The following OGDH variants were observed in gnomAD, a reference collection of about 807,000 sequenced individuals.
OGDH encodes oxoglutarate dehydrogenase, also known as 2-oxoglutarate dehydrogenase complex component E1.
OGDH carries 38 observed loss-of-function variants against 116.6 expected under a neutral mutation model. The ratio of observed to expected loss-of-function variants is 0.33; its 90% CI spans 0.25 to 0.43. The LOEUF (loss-of-function observed/expected upper bound fraction) is 0.43. Among genes scored for constraint, OGDH ranks in the 20% least tolerant of loss-of-function variants. The probability of loss-of-function intolerance (pLI) is 1.00; values close to 1 mark genes in which losing one functional copy is unlikely to be tolerated. For synonymous variants in OGDH, 488 were observed against 533.3 expected (o/e 0.92, Z 1.17); for missense variants, 825 against 1,357.2 (o/e 0.61, Z 6.16).
chr7:44,701,489 C>T (rs1173015293), intron 19 of OGDH, 54 bp from the exon 20 acceptor site: 1 of 1,538,532 alleles, frequency 6.5e-7, no homozygotes, highest in African/African-American at 1.4e-5. Context: ...TTTGACCTTC[C>T]TTCTGGAATC....
chr7:44,694,140 C>A lies in OGDH; in HGVS notation c.1515+136C>A. 9.8e-7 allele frequency: 1 copy of A among 1,021,206 alleles called. No homozygotes were observed. The allele number at this position is 1,021,206 out of a possible 1,614,324, so 63.3% of individuals were successfully genotyped here. Reference sequence around the variant, plus strand: ...GGGCTCTCTACTGCCAGGCCTCATGCTGGTTCCTTTGAGCTCCAAATAGTT... The same window carrying A: ...GGGCTCTCTACTGCCAGGCCTCATGATGGTTCCTTTGAGCTCCAAATAGTT... On this transcript the variant is annotated intron_variant, in intron 11 of 22. Transcript: ENST00000222673. This position sits in a 1 kb window ranked among gnomAD's most constrained non-coding sequence, Gnocchi z 4.2.
At chr7:44,680,629 A>G (rs528610965) in intron 9 of OGDH, among the ~76,000 whole-genome samples, 14 of 152,236 alleles carry the variant, frequency 9.2e-5, no homozygotes, top group African/African-American at 3.1e-4. Flanking sequence ...TTTTAGATGT[A>G]TGCGGAATGG....
At position 44,697,024 on chromosome 7, in the gene OGDH, A is replaced by G; in HGVS notation, c.2011A>G (p.Ile671Val). 1 of 1,614,216 alleles carries G rather than the reference A, an allele frequency of 6.2e-7. No homozygotes were observed. The highest frequency in any genetic ancestry group is 8.5e-7 in the Non-Finnish European group (1 of 1,180,022). Residue 671 changes from isoleucine (I) to valine (V), a missense_variant, in exon 15 of 23, where the codon ATT becomes GTT. By Grantham distance (29) the Ile-to-Val change is conservative. Coordinates refer to ENST00000222673, the MANE Select transcript of OGDH (RefSeq NM_002541.4). This position sits in a 1 kb window ranked among gnomAD's most constrained non-coding sequence, Gnocchi z 6.0. ...FGSLLKEGIHIRLSGQDVERG... is the reference protein window; with the variant it reads ...FGSLLKEGIHVRLSGQDVERG... ...CTCGCTCCTGAAGGAGGGCATCCACATTCGGCTGAGCGGCCAGGACGTGGA... is the reference window on the plus strand; with the variant it reads ...CTCGCTCCTGAAGGAGGGCATCCACGTTCGGCTGAGCGGCCAGGACGTGGA...
intron 9 of OGDH, 72 bp downstream of exon 9, chr7:44,676,221 A>C: frequency 6.2e-7 from 1 of 1,613,264 alleles, no homozygotes; most frequent in Non-Finnish European, 8.5e-7. Flanking sequence ...TCCGCTCACC[A>C]ACATAACCCA....
Position 44,673,859 on chromosome 7 carries a change from C to G in OGDH, c.706C>G (p.Gln236Glu). 1 of 1,614,216 alleles carries G rather than the reference C, an allele frequency of 6.2e-7. No individual in the cohort carries two copies. Among genetic ancestry groups the G allele is most frequent in the Non-Finnish European group, 8.5e-7 (1 of 1,180,028 alleles). The part of the protein sequence containing the change: ...NDLEQCQWIR[Q>E]KFETPGIMQF... ...CCTGGAGCAGTGCCAGTGGATCCGG[C>G]AGAAGTTTGAGACCCCTGGGATCAT... The change falls in exon 6 of 23, where the codon CAG becomes GAG. Residue 236 changes from glutamine to glutamate, a missense_variant. Around this residue, in one of 7 missense-constraint regions of OGDH, gnomAD observed 171 missense variants for 276.8 expected, o/e 0.62. Transcript: ENST00000222673.
At chr7:44,667,914 AC>A (rs1218172904) in intron 5 of OGDH, among the ~76,000 whole-genome samples, 1 of 151,848 alleles carries the variant, frequency 6.6e-6, no homozygotes, top group African/African-American at 2.4e-5. Context: ...TCCCTAACTA[AC>A]CCAGGTTGAA....
chr7:44,700,323 G>T, intron 19 of OGDH, 54 bp downstream of exon 19: 1 of 1,599,906 alleles, frequency 6.3e-7, no homozygotes. Context: ...CCCTGTTGGT[G>T]CAGGGAAGGG....
At chr7:44,610,306 G>A (rs545937032) in intron 1 of OGDH, among the ~76,000 whole-genome samples, 172 of 150,172 alleles carry the variant, frequency 1.1e-3, no homozygotes, top group African/African-American at 3.9e-3. Flanking sequence ...TTTTTTTTTT[G>A]TTTGTTTGTT....
At chr7:44,612,785 T>A (rs930616699) in intron 1 of OGDH, among the ~76,000 whole-genome samples, 19 of 152,056 alleles carry the variant, frequency 1.2e-4, no homozygotes, top group African/African-American at 4.6e-4. Flanking sequence ...CAGCCTCTAC[T>A]TCCAGGCTCA....
rs772965125 is a variant in OGDH at position 44,701,704 on chromosome 7, A to G, written c.2632+89A>G. Reference sequence around the variant, plus strand: ...CTCTTTTACAGCTCATGGGACTGACATTTGTGATTCTCACTGGCTCTTGCC... The same window carrying G: ...CTCTTTTACAGCTCATGGGACTGACGTTTGTGATTCTCACTGGCTCTTGCC... On this transcript the variant is annotated intron_variant, in intron 20 of 22. Transcript: ENST00000222673. 8.2e-5 allele frequency: 105 copies of G among 1,275,250 alleles called. 1 individual carries two copies. The highest frequency in any genetic ancestry group is 1.9e-5 in the Non-Finnish European group (17 of 882,330). The allele number at this position is 1,275,250 out of a possible 1,614,324, so 79.0% of individuals were successfully genotyped here.
chr7:44,682,610 A>T (rs1787976175), intron 10 of OGDH, among the ~76,000 whole-genome samples: 2 of 151,408 alleles, frequency 1.3e-5, no homozygotes, highest in South Asian at 4.2e-4. Flanking sequence ...CACAAGAATC[A>T]CTTGAAACCC....
intron 2 of OGDH, among the ~76,000 whole-genome samples, chr7:44,642,500 G>A (rs1211592729): frequency 2.6e-5 from 4 of 152,136 alleles, no homozygotes; most frequent in Admixed American, 2.6e-4. Context: ...ATTTGTATAA[G>A]ATGCTTCTGT....
rs975612812 is a variant in OGDH, at chr7:44,670,737, G to A, written c.634-3050G>A. 7.9e-5 allele frequency among the ~76,000 whole-genome samples: 12 copies of A among 152,288 alleles called. No individual in the cohort carries two copies. In the South Asian group the frequency reaches 1.2e-3, roughly 16 times the overall value. On this transcript the variant is annotated intron_variant, in intron 5 of 22. Coordinates refer to ENST00000222673, the MANE Select transcript of OGDH (RefSeq NM_002541.4). ...GAAAATATGGTTTGTGGGGCTGGGC[G>A]TGGTGGCTCAAGCCTGTAATCCCAG... is the stretch of plus-strand genomic sequence containing the variant.
In OGDH at chr7:44,649,245, G is replaced by GTTT. The variant is rs373846462; in HGVS notation, c.517+1506_517+1508dup. On this transcript the variant is annotated intron_variant, in intron 4 of 22. Transcript: ENST00000222673. The stretch of plus-strand genomic sequence containing the variant: ...AGCTGCGGAATGCTCATTTTCTGTT[G>GTTT]TTTTTTTTTTTTTTTTTTTTTTGAG... Among the ~76,000 whole-genome samples the GTTT allele has an allele frequency of 5.5e-3, 536 of 97,520 alleles. 5 individuals are homozygous for GTTT. Among genetic ancestry groups the GTTT allele is most frequent in the East Asian group, 0.03 (89 of 3,002 alleles). 64.0% of individuals were successfully genotyped at this position (97,520 alleles called of 152,430 possible).
intron 10 of OGDH, among the ~76,000 whole-genome samples, chr7:44,682,105 C>T (rs1431324684): frequency 6.6e-6 from 1 of 151,994 alleles, no homozygotes; most frequent in Admixed American, 6.6e-5. Context: ...GAAAAATTAG[C>T]ACTGGGTGGC....
At chr7:44,677,342 G>A (rs1471159378) in intron 9 of OGDH, among the ~76,000 whole-genome samples, 2 of 152,190 alleles carry the variant, frequency 1.3e-5, no homozygotes, top group Non-Finnish European at 2.9e-5. Context: ...TGGAAGAGGT[G>A]TGCAGGGGTG....
intron 2 of OGDH, among the ~76,000 whole-genome samples, chr7:44,629,611 G>A (rs138617483): frequency 1.3e-3 from 160 of 127,434 alleles, no homozygotes; most frequent in African/African-American, 4.6e-3. Context: ...GACGAGTCTC[G>A]CTCTGTCACC....
chr7:44,666,750 G>A lies in OGDH; in HGVS notation c.532G>A (p.Asp178Asn). The A allele has an allele frequency of 1.2e-6, 2 of 1,611,030 alleles. No homozygotes were observed. The highest frequency in any genetic ancestry group is 1.7e-6 in the Non-Finnish European group (2 of 1,178,402). ...TCGCCCTGCAGGGTTCTATGGCCTG[G>A]ATGAGTCTGACCTCGACAAGGTCTT... ...STDKLGFYGL[D>N]ESDLDKVFHL... The change falls in exon 5 of 23, where the codon GAT becomes AAT. Residue 178 changes from aspartate to asparagine, a missense_variant. This residue lies in a region of OGDH where 171 missense variants were observed against 276.8 expected (regional missense o/e 0.62). Coordinates refer to ENST00000222673, the MANE Select transcript of OGDH (RefSeq NM_002541.4).
chr7:44,636,282 G>C (rs1785666658), intron 2 of OGDH, among the ~76,000 whole-genome samples: 1 of 152,206 alleles, frequency 6.6e-6, no homozygotes, highest in Non-Finnish European at 1.5e-5. Context: ...TGGTATATTT[G>C]CCACCCTCAG....
Sources: allele counts gnomAD v4.1 joint callset (sites outside exome capture counted in the v4.1 genomes callset), GRCh38; gene constraint gnomAD v4.1.1; regional missense constraint gnomAD v4.1.1; non-coding constraint Gnocchi (gnomAD v3.1); transcripts MANE v1.5; gene names NCBI Gene and HGNC (gene_info 2026-07-23, HGNC 2026-07-21).